Variants in NRCAM observed in about 807,000 individuals in gnomAD.
NRCAM encodes the protein NgCAM-related cell adhesion molecule.
In NRCAM, 83 loss-of-function variants were observed where a neutral mutation model predicts 156.5. The observed-to-expected ratio is 0.53, with a 90% CI of 0.44 to 0.64. The LOEUF (loss-of-function observed/expected upper bound fraction) is 0.64. Among genes scored for constraint, NRCAM ranks in the 30% least tolerant of loss-of-function variants. NRCAM has a pLI of 0.00. For synonymous variants in NRCAM, 538 were observed against 563.9 expected (o/e 0.95, Z 0.65); for missense variants, 1,417 against 1,597.3 (o/e 0.89, Z 1.92).
Position 108,207,674 on chromosome 7 carries a change from G to A in NRCAM, c.1076-15C>T. The A allele has an allele frequency of 1.3e-6, 2 of 1,576,794 alleles. No individual in the cohort carries two copies. The highest frequency in any genetic ancestry group is 2.0e-5 in the Admixed American group (1 of 50,950). On this transcript the variant is annotated splice_polypyrimidine_tract_variant and intron_variant, in intron 12 of 32. Transcript: ENST00000379028. ...GTATGGAGCCGCTTTATAGGAGGAAGAAAAAAGACCAAAAATCTGAATCAA... is the reference window on the plus strand; with the variant it reads ...GTATGGAGCCGCTTTATAGGAGGAAAAAAAAAGACCAAAAATCTGAATCAA...
At chr7:108,418,560 TACACACACACACACACACAC>T (rs59582056) in intron 1 of NRCAM, among the ~76,000 whole-genome samples, 4 of 143,624 alleles carry the variant, frequency 2.8e-5, no homozygotes, top group African/African-American at 5.2e-5. Flanking sequence ...ATACATATTA[TACACACACACACACACACAC>T]ACACACACAC....
At chr7:108,347,030 C>CTTT (rs1563365643) in intron 2 of NRCAM, among the ~76,000 whole-genome samples, 6 of 88,038 alleles carry the variant, frequency 6.8e-5, no homozygotes, top group Non-Finnish European at 9.9e-5. Flanking sequence ...TATTATATTT[C>CTTT]TGTTTTTTTT....
chr7:108,396,190 T>C (rs908617733), intron 2 of NRCAM, among the ~76,000 whole-genome samples: 1 of 151,984 alleles, frequency 6.6e-6, no homozygotes, highest in African/African-American at 2.4e-5. Context: ...AGAGAGAAAA[T>C]AGAGGCAAAA....
At chr7:108,307,158 T>C (rs773523695) in intron 3 of NRCAM, among the ~76,000 whole-genome samples, 4 of 152,184 alleles carry the variant, frequency 2.6e-5, no homozygotes, top group Admixed American at 1.3e-4. Flanking sequence ...GTGTGAAATA[T>C]ACACACAAAA....
chr7:108,224,058 C>T (rs1462852765), intron 10 of NRCAM, among the ~76,000 whole-genome samples: 5 of 152,090 alleles, frequency 3.3e-5, no homozygotes, highest in Admixed American at 3.3e-4. Context: ...GGCATAAGCA[C>T]TAATAATAAG....
At chr7:108,285,880 C>A (rs974956233) in intron 3 of NRCAM, among the ~76,000 whole-genome samples, 8 of 152,232 alleles carry the variant, frequency 5.3e-5, no homozygotes, top group African/African-American at 1.9e-4. Flanking sequence ...CCTGCTACTA[C>A]AGCTTCTACC....
chr7:108,271,567 C>A (rs2097352025), intron 3 of NRCAM, among the ~76,000 whole-genome samples: 1 of 152,036 alleles, frequency 6.6e-6, no homozygotes, highest in Admixed American at 6.6e-5. Flanking sequence ...GTGGCACATA[C>A]CTGTAATCCC....
intron 3 of NRCAM, among the ~76,000 whole-genome samples, chr7:108,290,784 G>A (rs559957309): frequency 6.4e-4 from 98 of 152,162 alleles, no homozygotes; most frequent in Non-Finnish European, 1.1e-3. Context: ...TCAGCATTAT[G>A]TACTATCATT....
chr7:108,414,798 G>A (rs1799490441), intron 1 of NRCAM, among the ~76,000 whole-genome samples: 1 of 152,144 alleles, frequency 6.6e-6, no homozygotes, highest in African/African-American at 2.4e-5. Flanking sequence ...GAGAAGGGGG[G>A]AAGACTGCAG....
chr7:108,168,195 T>C lies in NRCAM; in HGVS notation c.3313+82A>G, dbSNP rs1392505831. On this transcript the variant is annotated intron_variant, in intron 29 of 32. Coordinates refer to ENST00000379028, the MANE Select transcript of NRCAM (RefSeq NM_001037132.4). ...TCAAGTTATTTTTCAAGATGATCCA[T>C]AGTAAATTCTTAAGAATGTTTTTAA... The C allele has an allele frequency of 4.5e-6, 6 of 1,335,554 alleles. 1 individual carries two copies. The highest frequency in any genetic ancestry group is 3.0e-5 in the African/African-American group (2 of 66,408). The allele number at this position is 1,335,554 out of a possible 1,614,324, so 82.7% of individuals were successfully genotyped here.
chr7:108,324,877 C>CTTTTTTTTT, intron 2 of NRCAM, among the ~76,000 whole-genome samples: 1 of 82,676 alleles, frequency 1.2e-5, no homozygotes, highest in Non-Finnish European at 2.3e-5. Flanking sequence ...TGGCACTGTA[C>CTTTTTTTTT]TTTTTTTTTT....
chr7:108,362,439 T>C (rs1694676707), intron 2 of NRCAM, among the ~76,000 whole-genome samples: 3 of 152,204 alleles, frequency 2.0e-5, no homozygotes, highest in African/African-American at 7.2e-5. Flanking sequence ...CAAATTGCTG[T>C]ATATCCATAA....
chr7:108,425,649 C>T (rs1002000834), intron 1 of NRCAM, among the ~76,000 whole-genome samples: 1 of 152,118 alleles, frequency 6.6e-6, no homozygotes, highest in African/African-American at 2.4e-5. Context: ...CGAACAGATC[C>T]AAATTCAAGG....
intron 2 of NRCAM, among the ~76,000 whole-genome samples, chr7:108,385,200 G>A (rs930046183): frequency 5.3e-5 from 8 of 152,142 alleles, no homozygotes; most frequent in Non-Finnish European, 1.0e-4. Context: ...CATTGAAAAT[G>A]TACACATTAG....
intron 2 of NRCAM, among the ~76,000 whole-genome samples, chr7:108,346,148 TG>T (rs1188002217): frequency 6.6e-6 from 1 of 152,066 alleles, no homozygotes; most frequent in Non-Finnish European, 1.5e-5. Flanking sequence ...ACAATGACTG[TG>T]GGATTTACTT....
At chr7:108,240,951 C>T (rs945863226) in intron 3 of NRCAM, among the ~76,000 whole-genome samples, 3 of 152,086 alleles carry the variant, frequency 2.0e-5, no homozygotes, top group Non-Finnish European at 4.4e-5. Context: ...GTCAGTCCTT[C>T]GATATGCCTC....
chr7:108,432,785 C>T (rs750148859), intron 1 of NRCAM, among the ~76,000 whole-genome samples: 4 of 151,978 alleles, frequency 2.6e-5, no homozygotes, highest in Non-Finnish European at 5.9e-5. Context: ...ACCTATAGTC[C>T]TAGCTACTAG....
intron 2 of NRCAM, among the ~76,000 whole-genome samples, chr7:108,380,212 A>C (rs1166810791): frequency 6.6e-6 from 1 of 152,228 alleles, no homozygotes; most frequent in Non-Finnish European, 1.5e-5. Flanking sequence ...TAAATCTCAT[A>C]AACATAACAT....
At chr7:108,351,678 T>C (rs1478890582) in intron 2 of NRCAM, among the ~76,000 whole-genome samples, 1 of 152,052 alleles carries the variant, frequency 6.6e-6, no homozygotes, top group East Asian at 1.9e-4. Context: ...ACTGCTAAGA[T>C]GACAGCCTTA....
Sources: allele counts gnomAD v4.1 joint callset (sites outside exome capture counted in the v4.1 genomes callset), GRCh38; gene constraint gnomAD v4.1.1; transcripts MANE v1.5; gene names NCBI Gene and HGNC (gene_info 2026-07-23, HGNC 2026-07-21).